PAG1: variants seen among roughly 807,000 people sequenced by gnomAD.
PAG1 encodes the protein phosphoprotein membrane anchor with glycosphingolipid microdomains 1, also known as phosphoprotein associated with glycosphingolipid-enriched microdomains 1.
Under a neutral mutation model 31.7 loss-of-function variants are expected in PAG1, and 23 were observed. The ratio of observed to expected loss-of-function variants is 0.73; its 90% CI spans 0.52 to 1.03. PAG1 has a LOEUF of 1.03. Ranked by LOEUF, PAG1 falls within the 50% of genes least tolerant of loss-of-function variation. PAG1 has a pLI of 0.00. For missense variants in PAG1, 473 were observed against 540.7 expected (o/e 0.87, Z 1.24); for synonymous variants, 214 against 210.3 (o/e 1.02, Z -0.15).
At chr8:81,104,596 C>CT (rs1809662436) in intron 1 of PAG1, among the ~76,000 whole-genome samples, 1 of 152,122 alleles carries the variant, frequency 6.6e-6, no homozygotes, top group South Asian at 2.1e-4. Context: ...AACCTGTCAT[C>CT]TTCTCCTGCA....
At chr8:81,017,222 A>G (rs558348398) in intron 3 of PAG1, among the ~76,000 whole-genome samples, 1 of 152,256 alleles carries the variant, frequency 6.6e-6, no homozygotes, top group Admixed American at 6.5e-5. Flanking sequence ...TTGGAATAGC[A>G]TATGTATTCA....
rs149260838 is a variant in PAG1 at position 81,026,138 on chromosome 8, T to C, written c.-81+3858A>G. 2.6e-5 allele frequency among the ~76,000 whole-genome samples: 4 copies of C among 152,176 alleles called. No homozygotes were observed. The East Asian group carries it at 7.7e-4, about 29-fold the overall frequency. On this transcript the variant is annotated intron_variant, in intron 3 of 8. Coordinates refer to ENST00000220597, the MANE Select transcript of PAG1 (RefSeq NM_018440.4). ...ATAGGGTGATCAGGCAGATTAAAGT[T>C]TAATACTTGCAAAGTGCTTAGACCA... is the stretch of plus-strand genomic sequence containing the variant.
At chr8:81,035,156 G>A (rs1465188290) in intron 2 of PAG1, among the ~76,000 whole-genome samples, 2 of 152,166 alleles carry the variant, frequency 1.3e-5, no homozygotes, top group East Asian at 3.9e-4. Flanking sequence ...CATCCTGGAG[G>A]TCTAGTCACA....
intron 1 of PAG1, among the ~76,000 whole-genome samples, chr8:81,075,778 G>A (rs1211029091): frequency 6.6e-6 from 1 of 152,178 alleles, no homozygotes; most frequent in Non-Finnish European, 1.5e-5. Flanking sequence ...GCCCAAGAGC[G>A]TGGCACACAC....
intron 2 of PAG1, among the ~76,000 whole-genome samples, chr8:81,068,670 C>T (rs754952306): frequency 3.3e-5 from 5 of 152,132 alleles, no homozygotes; most frequent in African/African-American, 1.2e-4. Context: ...TACTATGCTC[C>T]AGGCATTTAT....
At chr8:81,007,816 T>G (rs1017369267) in intron 3 of PAG1, among the ~76,000 whole-genome samples, 9 of 152,256 alleles carry the variant, frequency 5.9e-5, no homozygotes, top group Admixed American at 2.6e-4. Context: ...GGCATGAGGT[T>G]TGCACTAAAT....
chr8:81,071,799 A>G (rs561572138), intron 1 of PAG1, among the ~76,000 whole-genome samples: 8 of 152,324 alleles, frequency 5.3e-5, no homozygotes, highest in Admixed American at 1.3e-4. Flanking sequence ...GGTTGTGAAT[A>G]CAGTACAGAA....
intron 1 of PAG1, among the ~76,000 whole-genome samples, chr8:81,096,234 C>T (rs1809525988): frequency 6.6e-6 from 1 of 152,186 alleles, no homozygotes; most frequent in Admixed American, 6.5e-5. Flanking sequence ...GTGTTCTCAG[C>T]TCCTTTAGAA....
intron 3 of PAG1, among the ~76,000 whole-genome samples, chr8:81,000,662 G>C (rs555508535): frequency 6.6e-6 from 1 of 152,196 alleles, no homozygotes; most frequent in East Asian, 1.9e-4. Context: ...GGCTGGTCTT[G>C]AACTCCTGAT....
rs372859886 is a variant in PAG1 at position 81,046,465 on chromosome 8, C to T, written c.-174-16376G>A. 5.9e-5 allele frequency among the ~76,000 whole-genome samples: 9 copies of T among 152,262 alleles called. 2 individuals carry two copies. The highest frequency in any genetic ancestry group is 3.3e-4 in the Admixed American group (5 of 15,296). ...GTGCCCTTTCCCCCTTCTCTTATCA[C>T]CATTTGATACCCAAAGCATTCAGCA... On this transcript the variant is annotated intron_variant, in intron 2 of 8. Coordinates refer to ENST00000220597, the MANE Select transcript of PAG1 (RefSeq NM_018440.4).
chr8:81,065,634 C>T (rs1292912375), intron 2 of PAG1, among the ~76,000 whole-genome samples: 1 of 151,828 alleles, frequency 6.6e-6, no homozygotes, highest in Non-Finnish European at 1.5e-5. Context: ...CCAAATGGTG[C>T]CATTCTACCC....
chr8:81,071,414 G>A (rs1405221286), intron 1 of PAG1, among the ~76,000 whole-genome samples: 2 of 152,196 alleles, frequency 1.3e-5, no homozygotes, highest in African/African-American at 4.8e-5. Flanking sequence ...TTGGCCTTTT[G>A]CTGGGAAATC....
At chr8:81,085,521 T>A (rs1032067859) in intron 1 of PAG1, among the ~76,000 whole-genome samples, 1 of 152,124 alleles carries the variant, frequency 6.6e-6, no homozygotes, top group Non-Finnish European at 1.5e-5. Context: ...AACATGCAAG[T>A]CCAAAACAGC....
At chr8:80,986,534 G>C (rs957663961) in intron 6 of PAG1, among the ~76,000 whole-genome samples, 1 of 152,220 alleles carries the variant, frequency 6.6e-6, no homozygotes, top group Admixed American at 6.5e-5. Context: ...CCAGGGATCA[G>C]ACTGCCTGGT....
intron 2 of PAG1, among the ~76,000 whole-genome samples, chr8:81,030,927 C>T (rs1170864123): frequency 6.6e-6 from 1 of 152,204 alleles, no homozygotes; most frequent in East Asian, 1.9e-4. Flanking sequence ...GAAAGAACGG[C>T]TGTGTTTATG....
intron 6 of PAG1, among the ~76,000 whole-genome samples, chr8:80,985,958 GA>G (rs5892751): frequency 0.5 from 76,093 of 151,910 alleles, 22,516 homozygotes; most frequent in African/African-American, 0.83. Context: ...CCTCAAATTA[GA>G]AAAAAACCAA....
At chr8:81,041,352 C>G (rs1808551191) in intron 2 of PAG1, among the ~76,000 whole-genome samples, 1 of 152,190 alleles carries the variant, frequency 6.6e-6, no homozygotes, top group African/African-American at 2.4e-5. Context: ...CCAGAATGAG[C>G]AGCCAGAGGC....
At chr8:81,063,526 A>C (rs1057039188) in intron 2 of PAG1, among the ~76,000 whole-genome samples, 1 of 152,142 alleles carries the variant, frequency 6.6e-6, no homozygotes, top group African/African-American at 2.4e-5. Context: ...TCTCTAAAAA[A>C]CATTTTTTAA....
intron 2 of PAG1, among the ~76,000 whole-genome samples, chr8:81,037,613 T>C (rs1348943374): frequency 6.6e-6 from 1 of 152,262 alleles, no homozygotes; most frequent in African/African-American, 2.4e-5. Flanking sequence ...AAGATTAGAT[T>C]CAGTACTTAA....
Sources: gnomAD v4.1 joint callset for allele counts (sites outside exome capture counted in the v4.1 genomes callset) on GRCh38, gnomAD v4.1.1 for gene constraint, MANE v1.5 for transcripts, NCBI Gene and HGNC (gene_info 2026-07-23, HGNC 2026-07-21) for gene names.